TNRC6A: variants seen among roughly 807,000 people sequenced by gnomAD.
TNRC6A encodes the protein trinucleotide repeat-containing gene 6A protein.
TNRC6A carries 44 observed loss-of-function variants against 221.2 expected under a neutral mutation model. The observed-to-expected ratio is 0.20, with a 90% CI of 0.16 to 0.26. The LOEUF is 0.26. TNRC6A is among the 10% of genes least tolerant of loss of function. The probability of loss-of-function intolerance (pLI) is 1.00; values close to 1 mark genes in which losing one functional copy is unlikely to be tolerated. For synonymous variants in TNRC6A, 847 were observed against 838.5 expected, an observed-to-expected ratio of 1.01 and a Z score of -0.18; for missense variants, 2,199 against 2,404.4, an observed-to-expected ratio of 0.91 and a Z score of 1.79.
Position 24,790,878 on chromosome 16 carries a change from A to G in TNRC6A, c.2236A>G (p.Thr746Ala), listed in dbSNP as rs2058083960. 1 of 1,614,166 alleles carries G rather than the reference A, an allele frequency of 6.2e-7. No individual in the cohort carries two copies. Among genetic ancestry groups the G allele is most frequent in the South Asian group, 1.1e-5 (1 of 91,074 alleles). The change falls in exon 6 of 25, where the codon ACT becomes GCT. Residue 746 changes from threonine to alanine, a missense_variant. Thr to Ala is a moderately conservative substitution (Grantham distance 58). This residue lies in a region of TNRC6A where 1,405 missense variants were observed against 1,400.2 expected (regional missense o/e 1.00). Coordinates refer to ENST00000395799, the MANE Select transcript of TNRC6A (RefSeq NM_014494.4). ...TETSPRGERK[T>A]DNGTEAWGSS... ...AACATCACCTAGAGGGGAACGAAAG[A>G]CTGACAATGGGACAGAGGCCTGGGG...
intron 1 of TNRC6A, among the ~76,000 whole-genome samples, chr16:24,624,410 A>T (rs191435415): frequency 3.4e-4 from 51 of 152,216 alleles, no homozygotes; most frequent in African/African-American, 1.1e-3. Context: ...TTCCTTGACT[A>T]CTCAAAAATA....
chr16:24,712,911 G>GTGTGTGTGTGTA (rs1324662415), intron 2 of TNRC6A, among the ~76,000 whole-genome samples: 1,263 of 18,170 alleles, frequency 0.07, 47 homozygotes, highest in Admixed American at 0.18. Context: ...GTGCCACTGT[G>GTGTGTGTGTGTA]TGTGTGTGTG....
chr16:24,746,676 A>G (rs971689133), intron 2 of TNRC6A, among the ~76,000 whole-genome samples: 1 of 152,216 alleles, frequency 6.6e-6, no homozygotes, highest in Non-Finnish European at 1.5e-5. Flanking sequence ...TTCATTGTGA[A>G]TAGATACTTC....
intron 2 of TNRC6A, chr16:24,664,839 T>C (rs993223241): frequency 6.6e-6 from 3 of 452,406 alleles, no homozygotes; most frequent in African/African-American, 6.2e-5. Flanking sequence ...CCCAGAAACC[T>C]TTCTGTAAAT....
chr16:24,657,317 C>CAAAAAAAAAAAAAAAAAAAAAAAAAAAAA (rs56241898), intron 2 of TNRC6A, among the ~76,000 whole-genome samples: 4 of 88,168 alleles, frequency 4.5e-5, no homozygotes, highest in African/African-American at 2.0e-4. Context: ...GACCCTATCT[C>CAAAAAAAAAAAAAAAAAAAAAAAAAAAAA]AAAAAAAAAA....
intron 2 of TNRC6A, among the ~76,000 whole-genome samples, chr16:24,684,328 C>G (rs781545314): frequency 2.0e-5 from 3 of 152,080 alleles, no homozygotes; most frequent in Admixed American, 6.6e-5. Context: ...TCACTTGGCC[C>G]CCAGGAGGTA....
intron 2 of TNRC6A, among the ~76,000 whole-genome samples, chr16:24,720,303 G>A (rs1027620058): frequency 2.6e-5 from 4 of 152,170 alleles, no homozygotes; most frequent in Non-Finnish European, 2.9e-5. Flanking sequence ...TCAGGAGGCT[G>A]AGGCAGGACG....
At chr16:24,793,785 T>C in intron 7 of TNRC6A, 136 bp downstream of exon 7, 1 of 815,456 alleles carries the variant, frequency 1.2e-6, no homozygotes. Flanking sequence ...TGATGTTCAG[T>C]ATTTTGCTCT....
At position 24,790,500 on chromosome 16, in the gene TNRC6A, C is replaced by T; in HGVS notation, c.1858C>T (p.Leu620=). The change falls in exon 6 of 25, where the codon CTG becomes TTG. Residue 620 remains leucine, a synonymous_variant. Coordinates refer to ENST00000395799, the MANE Select transcript of TNRC6A (RefSeq NM_014494.4). ...TTTACCCAGCGTTGAGTGGAACAAACTGCCTAGCAATCAGCATTCCAATGA... is the reference window on the plus strand; with the variant it reads ...TTTACCCAGCGTTGAGTGGAACAAATTGCCTAGCAATCAGCATTCCAATGA... ...TNLPSVEWNK[L]PSNQHSNDSA... is the part of the protein sequence containing the mutation. 6.2e-7 allele frequency: 1 copy of T among 1,614,240 alleles called. No individual in the cohort carries two copies. The highest frequency in any genetic ancestry group is 8.5e-7 in the Non-Finnish European group (1 of 1,180,050).
intron 2 of TNRC6A, among the ~76,000 whole-genome samples, chr16:24,708,086 G>C (rs575389904): frequency 7.4e-6 from 1 of 134,576 alleles, no homozygotes; most frequent in East Asian, 3.0e-4. Context: ...CACACACAAT[G>C]AGTGAGAGCA....
rs1055286988 is a variant in TNRC6A, at chr16:24,806,243, G to A, written c.4289G>A (p.Arg1430Lys). 1 of 1,614,096 alleles carries A rather than the reference G, an allele frequency of 6.2e-7. No homozygotes were observed. Among genetic ancestry groups the A allele is most frequent in the Non-Finnish European group, 8.5e-7 (1 of 1,180,054 alleles). Residue 1430 changes from arginine (R) to lysine (K), a missense_variant, in exon 16 of 25, where the codon AGA becomes AAA. Arg to Lys is a conservative substitution (Grantham distance 26, BLOSUM62 2). This residue lies in a region of TNRC6A where 449 missense variants were observed against 579.7 expected (regional missense o/e 0.77). Transcript: ENST00000395799. ...CAGCAGCAAAGGGCGCAGAGTCAGA[G>A]AAGCGTGCCTTCTGGGAACCGGCCG... ...LAQQQRAQSQ[R>K]SVPSGNRPQQ...
chr16:24,804,879 T>G, intron 13 of TNRC6A, 28 bp downstream of exon 13: 1 of 1,613,574 alleles, frequency 6.2e-7, no homozygotes, highest in Non-Finnish European at 8.5e-7. Context: ...TTTTAGGCTC[T>G]CAGTTGAATG....
At chr16:24,791,944 A>G in intron 6 of TNRC6A, 127 bp downstream of exon 6, 7 of 1,058,442 alleles carry the variant, frequency 6.6e-6, no homozygotes, top group Non-Finnish European at 9.0e-6. Flanking sequence ...GCTTGAAAAA[A>G]ATTATAGGGG....
chr16:24,679,076 G>A (rs1418208085), intron 2 of TNRC6A, among the ~76,000 whole-genome samples: 3 of 148,024 alleles, frequency 2.0e-5, no homozygotes, highest in Non-Finnish European at 3.0e-5. Flanking sequence ...TCCGCTCACC[G>A]CAACCTCCGC....
intron 2 of TNRC6A, among the ~76,000 whole-genome samples, chr16:24,686,573 G>T (rs533246478): frequency 6.6e-6 from 1 of 152,064 alleles, no homozygotes; most frequent in East Asian, 1.9e-4. Context: ...TCTTTCATTT[G>T]TCAGTCATTT....
intron 1 of TNRC6A, 44 bp downstream of exon 1, chr16:24,729,890 G>T: frequency 8.1e-7 from 1 of 1,239,090 alleles, no homozygotes; most frequent in South Asian, 3.1e-5. Context: ...GGAGCCGCGG[G>T]CGCTGCCGCA....
At chr16:24,792,238 G>A (rs527617257) in intron 6 of TNRC6A, among the ~76,000 whole-genome samples, 10 of 152,070 alleles carry the variant, frequency 6.6e-5, no homozygotes, top group Non-Finnish European at 1.5e-4. Flanking sequence ...TTTTAAGTAG[G>A]TGAGAAATCC....
At chr16:24,709,824 CAAAAA>C (rs60844823) in intron 2 of TNRC6A, among the ~76,000 whole-genome samples, 2 of 103,760 alleles carry the variant, frequency 1.9e-5, no homozygotes, top group Admixed American at 1.0e-4. Flanking sequence ...GACCCTGTCT[CAAAAA>C]AAAAAAAAAA....
At chr16:24,779,721 C>T (rs920957560) in intron 5 of TNRC6A, among the ~76,000 whole-genome samples, 7 of 152,166 alleles carry the variant, frequency 4.6e-5, no homozygotes, top group African/African-American at 1.2e-4. Context: ...GTATAAACAG[C>T]GTGCACAGTA....
Sources: gnomAD v4.1 joint callset for allele counts (sites outside exome capture counted in the v4.1 genomes callset) on GRCh38, gnomAD v4.1.1 for gene constraint, gnomAD v4.1.1 regional missense constraint, MANE v1.5 for transcripts, NCBI Gene and HGNC (gene_info 2026-07-23, HGNC 2026-07-21) for gene names.